Variants in RAP1GAP2 observed in about 807,000 individuals in gnomAD.
RAP1GAP2 encodes rap1 GTPase-activating protein 2.
In RAP1GAP2, 27 loss-of-function variants were observed where a neutral mutation model predicts 95.0. That is an observed-to-expected ratio of 0.28 (90% CI 0.21 to 0.39). The LOEUF is 0.39. RAP1GAP2 is among the 10% of genes least tolerant of loss of function. RAP1GAP2 has a pLI of 1.00. For missense variants in RAP1GAP2, 771 were observed against 970.0 expected (o/e 0.79, Z 2.72); for synonymous variants, 373 against 380.9 (o/e 0.98, Z 0.24).
At chr17:2,777,417 G>A (rs117114811) in intron 1 of RAP1GAP2, 4,202 of 152,464 alleles carry the variant, frequency 0.028, 101 homozygotes, top group Non-Finnish European at 0.041. Flanking sequence ...GAGCTAGGGA[G>A]GTGGGCTGCC....
At chr17:2,792,719 G>A (rs943274345), upstream of RAP1GAP2, among the ~76,000 whole-genome samples, 1 of 152,234 alleles carries the variant, frequency 6.6e-6, no homozygotes, top group Non-Finnish European at 1.5e-5. Context: ...GTCTGACTCA[G>A]GAGTGTTGTT....
At chr17:2,929,049 C>T (rs1567789434) in intron 3 of RAP1GAP2, among the ~76,000 whole-genome samples, 1 of 152,240 alleles carries the variant, frequency 6.6e-6, no homozygotes, top group South Asian at 2.1e-4. Context: ...GCCTGGGCAA[C>T]ATAGCAAGAC....
intron 1 of RAP1GAP2, among the ~76,000 whole-genome samples, chr17:2,778,039 G>T (rs1006555841): frequency 1.3e-5 from 2 of 150,410 alleles, no homozygotes; most frequent in African/African-American, 2.5e-5. Flanking sequence ...GCTGGGAGGC[G>T]GGGAGTGACT....
chr17:2,854,787 T>A (rs2072061655), intron 2 of RAP1GAP2, among the ~76,000 whole-genome samples: 1 of 152,238 alleles, frequency 6.6e-6, no homozygotes, highest in Admixed American at 6.5e-5. Context: ...GCTGCAGGTC[T>A]GACATCCACC....
At chr17:3,025,070 A>G (rs1029986694) in intron 19 of RAP1GAP2, among the ~76,000 whole-genome samples, 7 of 151,080 alleles carry the variant, frequency 4.6e-5, no homozygotes, top group African/African-American at 1.7e-4. Flanking sequence ...TCTCAAGAAC[A>G]CTATTATTTA....
upstream of RAP1GAP2, among the ~76,000 whole-genome samples, chr17:2,773,045 A>G (rs2068428876): frequency 6.6e-6 from 1 of 151,774 alleles, no homozygotes; most frequent in African/African-American, 2.4e-5. Flanking sequence ...TTTAGTAGAT[A>G]CAGGGTTTCA....
Position 2,796,486 on chromosome 17 carries a change from C to T in RAP1GAP2, c.-42C>T, listed in dbSNP as rs548426162. ...CTCTTGCGGACAGCCCCGGGGACGTCGTTGGGACATCGCTGGGACCCCGGG... is the reference window on the plus strand; with the variant it reads ...CTCTTGCGGACAGCCCCGGGGACGTTGTTGGGACATCGCTGGGACCCCGGG... On this transcript the variant is annotated 5_prime_UTR_variant, in exon 1 of 25. Coordinates refer to ENST00000254695, the MANE Select transcript of RAP1GAP2 (RefSeq NM_015085.5). This position sits in a 1 kb window ranked among gnomAD's most constrained non-coding sequence, Gnocchi z 4.7. 142 of 1,551,606 alleles carry T rather than the reference C, an allele frequency of 9.2e-5. 2 individuals are homozygous for T. In the South Asian group the frequency reaches 1.4e-3, roughly 16 times the overall value.
rs540695450 is a variant in RAP1GAP2 at position 3,009,867 on chromosome 17, G to A, written c.1494+1722G>A. ...CGCCAGGTCAGACAACCCAGCGAGA[G>A]AATGGAGAGTGTGAGATGCGGTAAA... On this transcript the variant is annotated intron_variant, in intron 17 of 24. Coordinates refer to ENST00000254695, the MANE Select transcript of RAP1GAP2 (RefSeq NM_015085.5). Among the ~76,000 whole-genome samples the A allele has an allele frequency of 6.6e-5, 10 of 152,234 alleles. No homozygotes were observed. In the South Asian group the frequency reaches 1.9e-3, roughly 28 times the overall value.
At chr17:2,970,273 CAAAAAA>C (rs869121536) in intron 8 of RAP1GAP2, among the ~76,000 whole-genome samples, 3 of 109,606 alleles carry the variant, frequency 2.7e-5, no homozygotes, top group African/African-American at 5.9e-5. Flanking sequence ...GACTCTGTCT[CAAAAAA>C]AAAAAAAAAA....
At chr17:2,842,634 G>A (rs191840283) in intron 2 of RAP1GAP2, among the ~76,000 whole-genome samples, 67 of 151,728 alleles carry the variant, frequency 4.4e-4, no homozygotes, top group African/African-American at 1.4e-3. Context: ...CCTAAAAGCC[G>A]TGGGTGCCCT....
At chr17:2,776,856 AGGG>A (rs1369991634), upstream of RAP1GAP2, among the ~76,000 whole-genome samples, 1 of 125,174 alleles carries the variant, frequency 8.0e-6, no homozygotes, top group Non-Finnish European at 1.7e-5. Context: ...GAGGAGGAGG[AGGG>A]GGCTGGGCCG....
chr17:2,998,562 C>T (rs1210665456), intron 14 of RAP1GAP2, among the ~76,000 whole-genome samples, 186 bp downstream of exon 14: 1 of 152,220 alleles, frequency 6.6e-6, no homozygotes, highest in Non-Finnish European at 1.5e-5. Flanking sequence ...CCCCTTGCTG[C>T]CTCCGGGCTC....
intron 3 of RAP1GAP2, among the ~76,000 whole-genome samples, chr17:2,913,419 G>C (rs1014652210): frequency 2.0e-5 from 3 of 152,034 alleles, no homozygotes; most frequent in African/African-American, 7.2e-5. Flanking sequence ...CTCCCGAGTA[G>C]CTGGGATTAC....
intron 1 of RAP1GAP2, among the ~76,000 whole-genome samples, chr17:2,790,600 C>T (rs1213205828): frequency 6.6e-6 from 1 of 152,138 alleles, no homozygotes; most frequent in Non-Finnish European, 1.5e-5. Context: ...GGAATGGGTA[C>T]TACTGTCTGG....
intron 3 of RAP1GAP2, among the ~76,000 whole-genome samples, chr17:2,934,224 T>G (rs2043237555): frequency 6.6e-6 from 1 of 152,220 alleles, no homozygotes; most frequent in African/African-American, 2.4e-5. Context: ...CTCTGCCTCC[T>G]GGGTTCAAGT....
intron 2 of RAP1GAP2, among the ~76,000 whole-genome samples, chr17:2,876,414 T>C (rs915615204): frequency 6.6e-6 from 1 of 152,122 alleles, no homozygotes; most frequent in Non-Finnish European, 1.5e-5. Context: ...AGTCCATCCA[T>C]GTAAGATGTC....
At position 3,032,557 on chromosome 17, in the gene RAP1GAP2, A is replaced by G. The variant is rs552992270; in HGVS notation, c.*30+108A>G. Reference sequence around the variant, plus strand: ...TCAGAATGGCCGGAGAGATGCCGCCAGCTGGGGATGTCCAAAGAGTCTCCT... The same window carrying G: ...TCAGAATGGCCGGAGAGATGCCGCCGGCTGGGGATGTCCAAAGAGTCTCCT... On this transcript the variant is annotated intron_variant, in intron 24 of 24. Transcript: ENST00000254695. 111 of 1,089,644 alleles carry G rather than the reference A, an allele frequency of 1.0e-4. No homozygotes were observed. The South Asian group carries it at 1.4e-3, about 13-fold the overall frequency. 67.5% of individuals were successfully genotyped at this position (1,089,644 alleles called of 1,614,324 possible).
intron 2 of RAP1GAP2, among the ~76,000 whole-genome samples, chr17:2,809,966 G>A (rs896936382): frequency 6.6e-6 from 1 of 152,078 alleles, no homozygotes; most frequent in Non-Finnish European, 1.5e-5. Context: ...GGGAGTTGGG[G>A]ATGTGAGTGT....
intron 17 of RAP1GAP2, among the ~76,000 whole-genome samples, chr17:3,012,050 C>T (rs956203200): frequency 3.3e-5 from 5 of 152,312 alleles, no homozygotes; most frequent in African/African-American, 1.2e-4. Context: ...GACCCTTGAT[C>T]TTTCTCCTGA....
Sources: gnomAD v4.1 joint callset for allele counts (sites outside exome capture counted in the v4.1 genomes callset) on GRCh38, gnomAD v4.1.1 for gene constraint, Gnocchi (gnomAD v3.1) non-coding constraint, MANE v1.5 for transcripts, NCBI Gene and HGNC (gene_info 2026-07-23, HGNC 2026-07-21) for gene names.